Variants in HSF5 observed in about 807,000 individuals in gnomAD.
The protein encoded by HSF5 is heat shock factor protein 5.
In HSF5, 5 loss-of-function variants were observed where a neutral mutation model predicts 50.8. That is an observed-to-expected ratio of 0.10 (90% CI 0.05 to 0.21). HSF5 has a LOEUF of 0.21. HSF5 is among the 10% of genes least tolerant of loss of function. HSF5 has a pLI of 1.00. For synonymous variants in HSF5, 307 were observed against 307.4 expected (o/e 1.00, Z 0.02); for missense variants, 564 against 762.6 (o/e 0.74, Z 3.07).
rs1974676592 is a variant in HSF5, at chr17:58,454,121, C to G, written c.1720+4647G>C. Among the ~76,000 whole-genome samples, 4 of 151,986 alleles carry G rather than the reference C, an allele frequency of 2.6e-5. No individual in the cohort carries two copies. The South Asian group carries it at 8.3e-4, about 32-fold the overall frequency. On this transcript the variant is annotated intron_variant, in intron 5 of 5. Coordinates refer to ENST00000323777, the MANE Select transcript of HSF5 (RefSeq NM_001080439.3). ...CACTCTGCCTAGGAAAACCAGAGAC[C>G]TTTGTTCACTTGTTTATCTGCTGAC... is the stretch of plus-strand genomic sequence containing the variant.
chr17:58,476,252 C>A, intron 2 of HSF5: 2 of 923,566 alleles, frequency 2.2e-6, no homozygotes, highest in Non-Finnish European at 3.5e-6. Flanking sequence ...TCATCATCAT[C>A]TTCTTCTCCT....
At chr17:58,456,522 A>ATACAT (rs993045562) in intron 5 of HSF5, among the ~76,000 whole-genome samples, 2 of 152,152 alleles carry the variant, frequency 1.3e-5, no homozygotes, top group Non-Finnish European at 2.9e-5. Flanking sequence ...ATAACAATGT[A>ATACAT]GTGTATATTT....
At chr17:58,477,087 C>G in intron 2 of HSF5, 1 of 451,686 alleles carries the variant, frequency 2.2e-6, no homozygotes, top group South Asian at 2.4e-5. Flanking sequence ...GGCCTGACGA[C>G]AGGTATGGGC....
At chr17:58,471,135 T>C (rs1282405467) in intron 2 of HSF5, among the ~76,000 whole-genome samples, 1 of 152,110 alleles carries the variant, frequency 6.6e-6, no homozygotes, top group African/African-American at 2.4e-5. Context: ...GTTCTGGAGA[T>C]AGACAGTGGT....
intron 2 of HSF5, among the ~76,000 whole-genome samples, chr17:58,468,725 A>C (rs1295717002): frequency 6.6e-6 from 1 of 152,216 alleles, no homozygotes; most frequent in East Asian, 1.9e-4. Flanking sequence ...TTCTCTTTGT[A>C]TCATGAGCAA....
chr17:58,458,920 G>C lies in HSF5; in HGVS notation c.1568C>G (p.Thr523Ser). ...HQVDANIKCQ[T>S]SSRENILPSE... ...CGGCAAGATATTCTCACGTGAACTG[G>C]TCTGGCATTTTATGTTGGCATCCAC... Residue 523 changes from threonine to serine, a missense_variant, in exon 5 of 6, where the codon ACC becomes AGC. Coordinates refer to ENST00000323777, the MANE Select transcript of HSF5 (RefSeq NM_001080439.3). 1 of 1,610,500 alleles carries C rather than the reference G, an allele frequency of 6.2e-7. No homozygotes were observed. The highest frequency in any genetic ancestry group is 8.5e-7 in the Non-Finnish European group (1 of 1,179,058).
At chr17:58,486,819 G>C (rs1975187570) in intron 1 of HSF5, among the ~76,000 whole-genome samples, 1 of 151,772 alleles carries the variant, frequency 6.6e-6, no homozygotes. Context: ...GAAGGTGGCA[G>C]CCCTCTTCAA....
chr17:58,424,903 C>T (rs2531727), intron 5 of HSF5, among the ~76,000 whole-genome samples: 25,973 of 152,084 alleles, frequency 0.17, 2,354 homozygotes, highest in Middle Eastern at 0.23. Context: ...ACTATATGAT[C>T]CCATTTATAT....
intron 5 of HSF5, among the ~76,000 whole-genome samples, chr17:58,426,325 A>T (rs1043060870): frequency 2.0e-5 from 3 of 152,242 alleles, no homozygotes; most frequent in Non-Finnish European, 2.9e-5. Context: ...CAAAGTTGCC[A>T]ATCAAGGAGC....
chr17:58,474,349 G>A (rs1974984046), intron 2 of HSF5, among the ~76,000 whole-genome samples: 2 of 152,092 alleles, frequency 1.3e-5, no homozygotes, highest in Admixed American at 6.6e-5. Context: ...TTATGTACTA[G>A]AAGTCATCAT....
intron 5 of HSF5, among the ~76,000 whole-genome samples, chr17:58,428,944 T>C (rs1974331095): frequency 6.6e-6 from 1 of 152,228 alleles, no homozygotes; most frequent in Admixed American, 6.5e-5. Flanking sequence ...CGTATATGCA[T>C]GTTCATAGCA....
chr17:58,476,464 G>A, intron 2 of HSF5: 1 of 1,081,070 alleles, frequency 9.3e-7, no homozygotes. Flanking sequence ...ATCCATTCCA[G>A]ATTTCCATTT....
intron 5 of HSF5, among the ~76,000 whole-genome samples, chr17:58,447,458 A>G (rs1974574969): frequency 6.6e-6 from 1 of 152,092 alleles, no homozygotes. Flanking sequence ...GTGATCCAGC[A>G]TAGCACCGGC....
chr17:58,459,288 C>T (rs977511243), intron 4 of HSF5, among the ~76,000 whole-genome samples: 4 of 151,848 alleles, frequency 2.6e-5, no homozygotes, highest in African/African-American at 7.3e-5. Context: ...ACTGTAACCT[C>T]GAGCTCATGG....
At chr17:58,465,133 T>TCTCC (rs966989831) in intron 3 of HSF5, among the ~76,000 whole-genome samples, 7 of 142,264 alleles carry the variant, frequency 4.9e-5, no homozygotes, top group African/African-American at 1.0e-4. Flanking sequence ...ACCCTTTCTC[T>TCTCC]CTCCCTCCCT....
chr17:58,436,735 C>T lies in HSF5; in HGVS notation c.1721-14305G>A, dbSNP rs114292286. Among the ~76,000 whole-genome samples, 1,041 of 151,762 alleles carry T rather than the reference C, an allele frequency of 6.9e-3. 8 individuals are homozygous for T. The highest frequency in any genetic ancestry group is 0.024 in the African/African-American group (974 of 41,376). ...AGATTGTTCTGGTTGGGAAAAATGACGCCTTAAAAACATCAAAAAATAGAA... is the reference window on the plus strand; with the variant it reads ...AGATTGTTCTGGTTGGGAAAAATGATGCCTTAAAAACATCAAAAAATAGAA... On this transcript the variant is annotated intron_variant, in intron 5 of 5. Transcript: ENST00000323777.
At chr17:58,433,911 A>ATTTT (rs59043902) in intron 5 of HSF5, among the ~76,000 whole-genome samples, 3 of 109,356 alleles carry the variant, frequency 2.7e-5, no homozygotes, top group South Asian at 3.0e-4. Context: ...GGTCAAAGGG[A>ATTTT]TTTTTTTTTT....
intron 3 of HSF5, among the ~76,000 whole-genome samples, chr17:58,464,863 C>T (rs1351562327): frequency 3.3e-5 from 5 of 151,964 alleles, no homozygotes; most frequent in African/African-American, 1.2e-4. Context: ...AAACTCCTGA[C>T]CTCAAGTGAT....
Position 58,487,856 on chromosome 17 carries a change from G to T in HSF5, c.419C>A (p.Ala140Asp). Residue 140 changes from alanine to aspartate, a missense_variant, in exon 1 of 6, where the codon GCC (alanine) becomes GAC (aspartate). Physicochemically the swap from Ala to Asp is moderately radical, Grantham distance 126. Around this residue, in one of 5 missense-constraint regions of HSF5, gnomAD observed 21 missense variants for 75.9 expected, o/e 0.28. Transcript: ENST00000323777. Reference sequence around the variant, plus strand: ...CGGGCGGCAGGGCACCTCCAGGCCGGCCGCCAGCTTGGCCTTGTTGGCGCT... The same window carrying T: ...CGGGCGGCAGGGCACCTCCAGGCCGTCCGCCAGCTTGGCCTTGTTGGCGCT... ...LTSANKAKLAAGLEVPCRPPN... is the reference protein window; with the variant it reads ...LTSANKAKLADGLEVPCRPPN... 6.3e-7 allele frequency: 1 copy of T among 1,596,774 alleles called. No homozygotes were observed. Among genetic ancestry groups the T allele is most frequent in the Non-Finnish European group, 8.5e-7 (1 of 1,176,164 alleles).
Sources: gnomAD v4.1 joint callset for allele counts (sites outside exome capture counted in the v4.1 genomes callset) on GRCh38, gnomAD v4.1.1 for gene constraint, gnomAD v4.1.1 regional missense constraint, MANE v1.5 for transcripts, NCBI Gene and HGNC (gene_info 2026-07-23, HGNC 2026-07-21) for gene names.